ESR1: variants seen among roughly 807,000 people sequenced by gnomAD.
ESR1 encodes estrogen receptor 1.
In ESR1, 12 loss-of-function variants were observed where a neutral mutation model predicts 52.7. That is an observed-to-expected ratio of 0.23 (90% CI 0.15 to 0.37). ESR1 has a LOEUF of 0.37. Among genes scored for constraint, ESR1 ranks in the 10% least tolerant of loss-of-function variants. The pLI is 1.00. For synonymous variants in ESR1, 305 were observed against 316.8 expected (o/e 0.96, Z 0.39); for missense variants, 584 against 779.7 (o/e 0.75, Z 2.99).
chr6:151,843,188 A>G (rs1335406892), intron 2 of ESR1, among the ~76,000 whole-genome samples: 1 of 152,116 alleles, frequency 6.6e-6, no homozygotes, highest in Non-Finnish European at 1.5e-5. Context: ...TCCATGCATA[A>G]TTATCTCTCT....
intron 4 of ESR1, among the ~76,000 whole-genome samples, chr6:151,995,134 GCTGACAATCTGCATGAAAA>G: frequency 6.6e-6 from 1 of 152,224 alleles, no homozygotes; most frequent in Admixed American, 6.5e-5. Context: ...ACCTTTGGAA[GCTGACAATCTGCATGAAAA>G]GCAGCCCCTA....
chr6:151,720,431 T>C lies in ESR1; in HGVS notation c.-71+18426T>C, dbSNP rs150526254. ...TATCTTTAAACAGATATATAGCAAG[T>C]AGTATTTTCCAAATGAATTCCACAA... On this transcript the variant is annotated intron_variant, in intron 2 of 2. Coordinates refer to the ESR1 transcript ENST00000404742. Among the ~76,000 whole-genome samples the C allele has an allele frequency of 2.0e-5, 3 of 152,340 alleles. No individual in the cohort carries two copies. In the East Asian group the frequency reaches 5.8e-4, roughly 29 times the overall value.
chr6:151,809,630 A>G (rs1203295516), intron 1 of ESR1, among the ~76,000 whole-genome samples: 1 of 152,158 alleles, frequency 6.6e-6, no homozygotes, highest in Non-Finnish European at 1.5e-5. Flanking sequence ...AGCAGAAGGA[A>G]GGGGACTAAA....
chr6:152,022,415 G>A (rs893170942), intron 5 of ESR1, among the ~76,000 whole-genome samples: 1 of 152,108 alleles, frequency 6.6e-6, no homozygotes, highest in Non-Finnish European at 1.5e-5. Context: ...GTTATTCCAG[G>A]CAGAAATTTG....
chr6:151,784,197 T>G (rs985016532), intron 2 of ESR1, among the ~76,000 whole-genome samples: 5 of 152,194 alleles, frequency 3.3e-5, no homozygotes, highest in Non-Finnish European at 7.3e-5. Flanking sequence ...GGAGCTATGC[T>G]TCCCCTCTTT....
At chr6:151,914,281 T>C (rs1798710745) in intron 3 of ESR1, among the ~76,000 whole-genome samples, 1 of 152,176 alleles carries the variant, frequency 6.6e-6, no homozygotes, top group Non-Finnish European at 1.5e-5. Context: ...TTCGGTCTTA[T>C]TTTGACTTTA....
chr6:152,018,350 A>G (rs1466868505), intron 5 of ESR1, among the ~76,000 whole-genome samples: 2 of 151,958 alleles, frequency 1.3e-5, no homozygotes, highest in African/African-American at 4.8e-5. Context: ...TTCCAGTAAC[A>G]TATTTATTAG....
rs373309405 is a variant in ESR1, at chr6:151,955,650, T to A, written c.1096+11142T>A. On this transcript the variant is annotated intron_variant, in intron 4 of 7. Coordinates refer to ENST00000206249, the MANE Select transcript of ESR1 (RefSeq NM_000125.4). ...TTGCGGCTCTGACAGCATCTGATAA[T>A]AATAGTACAAACAGTTTCATTTCAT... Among the ~76,000 whole-genome samples the A allele has an allele frequency of 5.9e-5, 9 of 151,652 alleles. No homozygotes were observed. The East Asian group carries it at 1.7e-3, about 29-fold the overall frequency.
chr6:152,122,668 T>C (rs1295425579), intron 6 of ESR1: 1 of 1,613,820 alleles, frequency 6.2e-7, no homozygotes, highest in Admixed American at 1.7e-5. Context: ...GGAGCCACCT[T>C]TTGTGGACCT....
At chr6:151,900,655 C>T (rs1334688478) in intron 3 of ESR1, among the ~76,000 whole-genome samples, 2 of 152,134 alleles carry the variant, frequency 1.3e-5, no homozygotes, top group Non-Finnish European at 2.9e-5. Flanking sequence ...TAGTACTCTC[C>T]CCCTTTTCTT....
At position 152,060,863 on chromosome 6, in the gene ESR1, T is replaced by C. The variant is rs9341016; in HGVS notation, c.1236-128T>C. The C allele has an allele frequency of 0.064, 46,797 of 727,124 alleles. 2,119 individuals carry two copies. Among genetic ancestry groups the C allele is most frequent in the South Asian group, 0.16 (8,517 of 54,840 alleles). 45.0% of individuals were successfully genotyped at this position (727,124 alleles called of 1,614,324 possible). A position where few individuals can be genotyped will look rare whatever the true frequency, so the allele number is the denominator to read the frequency against. ...GTTCATATTCCATGAAGACAATGGC[T>C]GATAGTTTTTTGTTAAAGATTTAGA... On this transcript the variant is annotated intron_variant, in intron 5 of 7. Coordinates refer to ENST00000206249, the MANE Select transcript of ESR1 (RefSeq NM_000125.4).
intron 4 of ESR1, among the ~76,000 whole-genome samples, chr6:151,982,067 G>T (rs1416564391): frequency 6.6e-6 from 1 of 152,188 alleles, no homozygotes; most frequent in Non-Finnish European, 1.5e-5. Flanking sequence ...CATTCACTCT[G>T]TTTAATTCAT....
intron 5 of ESR1, among the ~76,000 whole-genome samples, chr6:152,017,185 C>T (rs1470501211): frequency 6.6e-6 from 1 of 152,148 alleles, no homozygotes; most frequent in African/African-American, 2.4e-5. Flanking sequence ...GCAGAGGATA[C>T]ATTTCCTATC....
chr6:151,936,564 T>A (rs545823258), intron 3 of ESR1, among the ~76,000 whole-genome samples: 1 of 152,180 alleles, frequency 6.6e-6, no homozygotes, highest in Non-Finnish European at 1.5e-5. Context: ...GTTAAACAGA[T>A]GACCAAAATA....
At chr6:151,948,586 G>A (rs1562583763) in intron 4 of ESR1, among the ~76,000 whole-genome samples, 1 of 152,096 alleles carries the variant, frequency 6.6e-6, no homozygotes. Context: ...TGGCAAACTA[G>A]ACGACCTTCT....
chr6:151,906,502 A>G (rs1194091627), intron 3 of ESR1, among the ~76,000 whole-genome samples: 1 of 151,786 alleles, frequency 6.6e-6, no homozygotes, highest in East Asian at 1.9e-4. Context: ...ATTAAAAAAT[A>G]GTTGCCTGGG....
chr6:151,819,219 C>T (rs909493110), intron 1 of ESR1, among the ~76,000 whole-genome samples: 8 of 152,176 alleles, frequency 5.3e-5, no homozygotes, highest in Non-Finnish European at 1.2e-4. Context: ...GCATACAGCA[C>T]CTTTTCCCGG....
At chr6:151,851,486 A>G (rs1786694616) in intron 2 of ESR1, among the ~76,000 whole-genome samples, 1 of 152,050 alleles carries the variant, frequency 6.6e-6, no homozygotes, top group Admixed American at 6.6e-5. Context: ...TTAGCAACAC[A>G]AAAACATTAT....
chr6:151,700,927 C>T (rs1241359613), intron 1 of ESR1, among the ~76,000 whole-genome samples: 1 of 152,068 alleles, frequency 6.6e-6, no homozygotes, highest in Admixed American at 6.5e-5. Flanking sequence ...AAAAGTGCCC[C>T]ATGGGATATT....
Sources: allele counts gnomAD v4.1 joint callset (sites outside exome capture counted in the v4.1 genomes callset), GRCh38; gene constraint gnomAD v4.1.1; transcripts MANE v1.5; gene names NCBI Gene and HGNC (gene_info 2026-07-23, HGNC 2026-07-21).